NUP85: variants seen among roughly 807,000 people sequenced by gnomAD.
NUP85 encodes nucleoporin 85, also known as nuclear pore complex protein Nup85.
Under a neutral mutation model 92.8 loss-of-function variants are expected in NUP85, and 23 were observed. That is an observed-to-expected ratio of 0.25 (90% confidence interval 0.18 to 0.35). The LOEUF (loss-of-function observed/expected upper bound fraction) is 0.35. Ranked by LOEUF, NUP85 falls within the 10% of genes least tolerant of loss-of-function variation. The pLI, the probability that NUP85 is intolerant of heterozygous loss-of-function variation, is 1.00. For synonymous variants in NUP85, 314 were observed against 306.9 expected (o/e 1.02, Z -0.24); for missense variants, 759 against 822.8 (o/e 0.92, Z 0.95).
intron 7 of NUP85, among the ~76,000 whole-genome samples, chr17:75,221,279 T>C (rs1030776052): frequency 1.3e-5 from 2 of 152,066 alleles, no homozygotes; most frequent in African/African-American, 4.8e-5. Flanking sequence ...GCTGGGATTA[T>C]AGGCTCTCGC....
At chr17:75,213,267 C>T (rs2075327743) in intron 5 of NUP85, 148 bp downstream of exon 5, 3 of 659,922 alleles carry the variant, frequency 4.5e-6, no homozygotes, top group Non-Finnish European at 8.1e-6. Flanking sequence ...GATTGTCTTG[C>T]CCCCTTCAAG....
In NUP85 at chr17:75,214,525, CTTCTT is replaced by C. The variant is rs561029473; in HGVS notation, c.406-1226_406-1222del. ...CTGAATATTCTTCTAAATATTGTCT[CTTCTT>C]TTTACTCAAATGAAGCACCTTGCTA... On this transcript the variant is annotated intron_variant, in intron 5 of 18. Transcript: ENST00000245544. Among the ~76,000 whole-genome samples the C allele has an allele frequency of 1.2e-4, 19 of 152,316 alleles. No individual in the cohort carries two copies. In the South Asian group the frequency reaches 3.7e-3, roughly 30 times the overall value.
At chr17:75,216,149 T>C (rs1045247418) in intron 6 of NUP85, 22 of 268,176 alleles carry the variant, frequency 8.2e-5, no homozygotes, top group Middle Eastern at 1.3e-3. Flanking sequence ...GGGGTAGGAT[T>C]AGGTGGTGAG....
intron 11 of NUP85, chr17:75,228,692 C>A (rs2075919943): frequency 1.0e-6 from 1 of 985,308 alleles, no homozygotes; most frequent in African/African-American, 1.7e-5. Context: ...TTTTTAAAGG[C>A]ATTAGAAAAA....
intron 7 of NUP85, among the ~76,000 whole-genome samples, chr17:75,221,229 C>T (rs1330323574): frequency 2.0e-5 from 3 of 151,236 alleles, no homozygotes; most frequent in Admixed American, 6.6e-5. Flanking sequence ...GGCAGAGTCT[C>T]ACTCTGTTGC....
intron 11 of NUP85, chr17:75,226,852 G>A (rs746606441): frequency 1.3e-5 from 5 of 395,172 alleles, no homozygotes; most frequent in Admixed American, 2.9e-5. Flanking sequence ...ATGGGATGGC[G>A]TGTTCCAAGA....
intron 1 of NUP85, among the ~76,000 whole-genome samples, chr17:75,207,873 C>A (rs547019272): frequency 6.6e-6 from 1 of 151,904 alleles, no homozygotes; most frequent in African/African-American, 2.4e-5. Context: ...GCCTGTAATC[C>A]CACCTACTCA....
chr17:75,209,294 C>G (rs781540401), intron 2 of NUP85, among the ~76,000 whole-genome samples: 14 of 152,110 alleles, frequency 9.2e-5, no homozygotes, highest in Non-Finnish European at 1.8e-4. Context: ...ACAGATGGAG[C>G]TGGAGAGTGA....
chr17:75,219,681 G>A (rs910475118), intron 7 of NUP85, among the ~76,000 whole-genome samples: 4 of 152,180 alleles, frequency 2.6e-5, no homozygotes, highest in Non-Finnish European at 4.4e-5. Context: ...TCCTGTGTGT[G>A]GAGAAAGAAC....
At chr17:75,232,313 C>T (rs1484758864) in intron 14 of NUP85, among the ~76,000 whole-genome samples, 1 of 152,126 alleles carries the variant, frequency 6.6e-6, no homozygotes, top group Non-Finnish European at 1.5e-5. Flanking sequence ...CAGCCTGGCT[C>T]AATGGGGAAG....
chr17:75,214,623 CCGAGGTGGG>C (rs1460565310), intron 5 of NUP85, among the ~76,000 whole-genome samples: 6 of 152,152 alleles, frequency 3.9e-5, no homozygotes, highest in African/African-American at 1.4e-4. Flanking sequence ...CTTTGAGAGG[CCGAGGTGGG>C]TGGATCTCTT....
chr17:75,234,985 C>T, intron 17 of NUP85, 115 bp from the exon 18 acceptor site: 1 of 1,050,334 alleles, frequency 9.5e-7, no homozygotes, highest in Non-Finnish European at 1.5e-6. Flanking sequence ...TATTCGTATA[C>T]AAAGCACACT....
chr17:75,225,509 G>A, intron 9 of NUP85, 45 bp downstream of exon 9: 1 of 1,601,838 alleles, frequency 6.2e-7, no homozygotes, highest in Non-Finnish European at 8.5e-7. Context: ...CTTCCTATGG[G>A]GGCTGTGGCA....
chr17:75,219,875 G>A (rs1240080139), intron 7 of NUP85, among the ~76,000 whole-genome samples: 2 of 152,120 alleles, frequency 1.3e-5, no homozygotes, highest in Non-Finnish European at 2.9e-5. Flanking sequence ...CCAGATAGCA[G>A]GGCCTGTAGA....
At chr17:75,234,951 A>C (rs2076273081) in intron 17 of NUP85, 149 bp from the exon 18 acceptor site, 5 of 1,066,434 alleles carry the variant, frequency 4.7e-6, no homozygotes, top group Non-Finnish European at 7.2e-6. Context: ...ACAGGAAACA[A>C]ACACTGCTTG....
In NUP85 at chr17:75,231,907, A is replaced by G. The variant is rs778516308; in HGVS notation, c.1324A>G (p.Ile442Val). 19 of 1,614,176 alleles carry G rather than the reference A, an allele frequency of 1.2e-5. No individual in the cohort carries two copies. The highest frequency in any genetic ancestry group is 2.7e-5 in the African/African-American group (2 of 75,036). The stretch of plus-strand genomic sequence containing the variant: ...CTCCCTGGAGCTGCACATTGAGCGG[A>G]TACCTCTGAACACCGAGCAGAAAGC... ...RVSLELHIERIPLNTEQKALK... is the reference protein window; with the variant it reads ...RVSLELHIERVPLNTEQKALK... Residue 442 changes from isoleucine to valine, a missense_variant, in exon 14 of 19, where the codon ATA becomes GTA. Coordinates refer to ENST00000245544, the MANE Select transcript of NUP85 (RefSeq NM_024844.5). This position sits in a 1 kb window ranked among gnomAD's most constrained non-coding sequence, Gnocchi z 4.6.
intron 14 of NUP85, 21 bp from the exon 15 acceptor site, chr17:75,232,830 C>T: frequency 6.2e-7 from 1 of 1,608,662 alleles, no homozygotes; most frequent in East Asian, 2.2e-5. Context: ...AGCCGTTTAC[C>T]TTTTCTTTTC....
At chr17:75,234,893 T>A (rs767265411) in intron 17 of NUP85, 105 bp downstream of exon 17, 1 of 1,386,720 alleles carries the variant, frequency 7.2e-7, no homozygotes, top group South Asian at 1.2e-5. Flanking sequence ...TCGTTCTGCC[T>A]GTGCGCGTGT....
intron 11 of NUP85, chr17:75,226,839 C>A (rs2075815678): frequency 2.4e-6 from 1 of 414,226 alleles, no homozygotes; most frequent in East Asian, 7.4e-5. Context: ...TAATGGACAC[C>A]TTATGGGATG....
Sources: gnomAD v4.1 joint callset for allele counts (sites outside exome capture counted in the v4.1 genomes callset) on GRCh38, gnomAD v4.1.1 for gene constraint, Gnocchi (gnomAD v3.1) non-coding constraint, MANE v1.5 for transcripts, NCBI Gene and HGNC (gene_info 2026-07-23, HGNC 2026-07-21) for gene names.